The following UGT1A10 variants were observed in gnomAD, a reference collection of about 807,000 sequenced individuals.
The protein encoded by UGT1A10 is UDP glucuronosyltransferase family 1 member A10, also known as UDP-glucuronosyltransferase 1A10.
A neutral mutation model predicts 45.8 loss-of-function variants in UGT1A10; 49 were observed. The observed-to-expected ratio is 1.07, with a 90% CI of 0.85 to 1.36. The LOEUF (loss-of-function observed/expected upper bound fraction) is 1.36. Ranked by LOEUF, UGT1A10 falls within the 40% of genes most tolerant of loss-of-function variation. The pLI, the probability that UGT1A10 is intolerant of heterozygous loss-of-function variation, is 0.00. For missense variants in UGT1A10, 745 were observed against 668.6 expected (o/e 1.11, Z -1.26); for synonymous variants, 284 against 249.7 (o/e 1.14, Z -1.29).
chr2:233,769,044 C>T lies in UGT1A10; in HGVS notation c.1295+605C>T, dbSNP rs1247244577. ...AAGTTGCCATAATAGACATCTGATC[C>T]ATAAGTTTCCTGCACAGAAAGAAAT... On this transcript the variant is annotated intron_variant, in intron 4 of 4. Coordinates refer to ENST00000344644, the MANE Select transcript of UGT1A10 (RefSeq NM_019075.4). The surrounding 1 kb of genome is among the most constrained non-coding windows in gnomAD (Gnocchi z 4.4). Among the ~76,000 whole-genome samples the T allele has an allele frequency of 6.6e-6, 1 of 152,006 alleles. No individual in the cohort carries two copies. The highest frequency in any genetic ancestry group is 1.5e-5 in the Non-Finnish European group (1 of 68,012).
intron 1 of UGT1A10, among the ~76,000 whole-genome samples, chr2:233,650,615 C>T (rs983494444): frequency 6.6e-6 from 1 of 152,096 alleles, no homozygotes; most frequent in Non-Finnish European, 1.5e-5. Flanking sequence ...CCATTTTTCC[C>T]ATTAACTTTT....
At chr2:233,676,801 T>G (rs2074372040) in intron 1 of UGT1A10, among the ~76,000 whole-genome samples, 1 of 152,192 alleles carries the variant, frequency 6.6e-6, no homozygotes, top group Non-Finnish European at 1.5e-5. Flanking sequence ...CTTGTTTTCT[T>G]GCGTGTGAAT....
At chr2:233,638,928 G>A (rs1324109285) in intron 1 of UGT1A10, among the ~76,000 whole-genome samples, 2 of 152,166 alleles carry the variant, frequency 1.3e-5, no homozygotes, top group Non-Finnish European at 2.9e-5. Flanking sequence ...TAAGAGGTTG[G>A]ACTTATCAAA....
intron 1 of UGT1A10, among the ~76,000 whole-genome samples, chr2:233,688,210 T>C (rs1416459213): frequency 1.3e-5 from 2 of 152,238 alleles, no homozygotes; most frequent in African/African-American, 4.8e-5. Context: ...CACTTAGTTT[T>C]GTGGCTTATC....
intron 1 of UGT1A10, among the ~76,000 whole-genome samples, chr2:233,731,794 A>G (rs1329897659): frequency 6.6e-6 from 1 of 152,192 alleles, no homozygotes; most frequent in African/African-American, 2.4e-5. Context: ...GTTTGGGTAT[A>G]TACCCAGTAA....
At chr2:233,760,144 TG>T in intron 1 of UGT1A10, 1 of 1,433,916 alleles carries the variant, frequency 7.0e-7, no homozygotes, top group Non-Finnish European at 9.3e-7. Flanking sequence ...TCTCTGAAAG[TG>T]AACTCCCTGC....
chr2:233,719,008 C>T (rs775074896), intron 1 of UGT1A10: 43 of 1,614,048 alleles, frequency 2.7e-5, no homozygotes, highest in Admixed American at 2.5e-4. Flanking sequence ...GTCCTCACCC[C>T]AGAGGTGAAT....
intron 1 of UGT1A10, among the ~76,000 whole-genome samples, chr2:233,757,554 A>ATATATATATATATATATATATT (rs1696625820): frequency 7.9e-6 from 1 of 126,928 alleles, no homozygotes; most frequent in Non-Finnish European, 1.6e-5. Context: ...ATATATATAT[A>ATATATATATATATATATATATT]TATATATGTA....
At chr2:233,766,342 AGTGGCCTGCC>A (rs1699121690) in intron 1 of UGT1A10, among the ~76,000 whole-genome samples, 1 of 152,026 alleles carries the variant, frequency 6.6e-6, no homozygotes, top group Non-Finnish European at 1.5e-5. Flanking sequence ...TCTGCTGGTC[AGTGGCCTGCC>A]GGTGCCTGTT....
At chr2:233,712,026 T>G (rs2076211157) in intron 1 of UGT1A10, among the ~76,000 whole-genome samples, 1 of 152,232 alleles carries the variant, frequency 6.6e-6, no homozygotes, top group Non-Finnish European at 1.5e-5. Context: ...CAGAACTTGG[T>G]GCTGGATTGA....
intron 1 of UGT1A10, among the ~76,000 whole-genome samples, chr2:233,707,192 G>A (rs539845894): frequency 4.3e-4 from 66 of 152,052 alleles, no homozygotes; most frequent in Admixed American, 7.2e-4. Flanking sequence ...CCTGCCCTCC[G>A]TTCTATTCCC....
At chr2:233,723,181 A>C (rs2077065915) in intron 1 of UGT1A10, among the ~76,000 whole-genome samples, 2 of 132,766 alleles carry the variant, frequency 1.5e-5, no homozygotes, top group African/African-American at 6.0e-5. Flanking sequence ...AAACCATAGA[A>C]GGGTCCATGT....
At chr2:233,676,590 A>C (rs1030669770) in intron 1 of UGT1A10, among the ~76,000 whole-genome samples, 1 of 152,164 alleles carries the variant, frequency 6.6e-6, no homozygotes, top group Non-Finnish European at 1.5e-5. Context: ...AAATGTAGTC[A>C]TCATGTCTCC....
intron 1 of UGT1A10, among the ~76,000 whole-genome samples, chr2:233,688,667 T>A (rs1207441299): frequency 6.6e-6 from 1 of 152,216 alleles, no homozygotes; most frequent in Non-Finnish European, 1.5e-5. Flanking sequence ...TGCAGCTGGC[T>A]CTTTTTTAAA....
At chr2:233,649,059 A>G (rs1191362825) in intron 1 of UGT1A10, 13 of 948,712 alleles carry the variant, frequency 1.4e-5, no homozygotes, top group Non-Finnish European at 1.8e-5. Context: ...CATTAAAAGT[A>G]TTCTGGATTT....
chr2:233,647,733 T>C (rs1206074592), intron 1 of UGT1A10, among the ~76,000 whole-genome samples: 1 of 152,262 alleles, frequency 6.6e-6, no homozygotes, highest in Non-Finnish European at 1.5e-5. Flanking sequence ...GTGATACTAC[T>C]GCTCTCATTC....
intron 1 of UGT1A10, among the ~76,000 whole-genome samples, chr2:233,717,127 G>T (rs182084738): frequency 7.2e-5 from 11 of 152,266 alleles, no homozygotes; most frequent in Non-Finnish European, 1.6e-4. Context: ...CATGGAAATA[G>T]AACACCACTA....
At chr2:233,762,433 T>C (rs1249713494) in intron 1 of UGT1A10, among the ~76,000 whole-genome samples, 1 of 152,232 alleles carries the variant, frequency 6.6e-6, no homozygotes, top group African/African-American at 2.4e-5. Context: ...AGAGTAACAG[T>C]GTATTCCCAC....
chr2:233,699,153 C>A (rs901306895), intron 1 of UGT1A10, among the ~76,000 whole-genome samples: 7 of 152,196 alleles, frequency 4.6e-5, no homozygotes, highest in Non-Finnish European at 1.0e-4. Flanking sequence ...TGCCTTGCAA[C>A]CTTTCTGTCT....
Sources: gnomAD v4.1 joint callset for allele counts (sites outside exome capture counted in the v4.1 genomes callset) on GRCh38, gnomAD v4.1.1 for gene constraint, Gnocchi (gnomAD v3.1) non-coding constraint, MANE v1.5 for transcripts, NCBI Gene and HGNC (gene_info 2026-07-23, HGNC 2026-07-21) for gene names.